The following ADGRL1 variants were observed in gnomAD, a reference collection of about 807,000 sequenced individuals.
ADGRL1 encodes adhesion G protein-coupled receptor L1, also known as CIRL-1.
ADGRL1 carries 31 observed loss-of-function variants against 148.9 expected under a neutral mutation model. The ratio of observed to expected loss-of-function variants is 0.21; its 90% confidence interval spans 0.16 to 0.28. The LOEUF (loss-of-function observed/expected upper bound fraction) is 0.28, where lower values mean the gene tolerates loss of function less well. ADGRL1 is among the 10% of genes least tolerant of loss of function. The pLI, the probability that ADGRL1 is intolerant of heterozygous loss-of-function variation, is 1.00. For synonymous variants in ADGRL1, 937 were observed against 900.3 expected (o/e 1.04, Z -0.73); for missense variants, 1,521 against 2,058.8 (o/e 0.74, Z 5.05).
At chr19:14,189,051 C>T (rs1971767381) in intron 1 of ADGRL1, among the ~76,000 whole-genome samples, 1 of 152,118 alleles carries the variant, frequency 6.6e-6, no homozygotes, top group African/African-American at 2.4e-5. Context: ...CGTGCCCAGC[C>T]TCCAAAACTT....
intron 1 of ADGRL1, among the ~76,000 whole-genome samples, chr19:14,204,999 T>TGGCCAGGGATGGGGCAGTGTGAG (rs1319134312): frequency 6.6e-6 from 1 of 151,910 alleles, no homozygotes; most frequent in African/African-American, 2.4e-5. Context: ...AGTGAGGTGT[T>TGGCCAGGGATGGGGCAGTGTGAG]GGCCAGGGAT....
rs755548697 is a variant in ADGRL1, at chr19:14,158,547, C to A, written c.2155G>T (p.Val719Phe). 1 of 1,613,668 alleles carries A rather than the reference C, an allele frequency of 6.2e-7. No homozygotes were observed. Among genetic ancestry groups the A allele is most frequent in the African/African-American group, 1.3e-5 (1 of 75,044 alleles). The change falls in exon 12 of 23, where the codon GTC becomes TTC. Residue 719 changes from valine to phenylalanine, a missense_variant. Val to Phe is a conservative substitution (Grantham distance 50). Coordinates refer to ENST00000361434, the MANE Select transcript of ADGRL1 (RefSeq NM_014921.5). ...TIKQNSRNGV[V>F]KVVFILYNNL... ...TTGTAGAGGATGAAGACAACTTTGA[C>A]CACCCCTGGTGAGAACAGGCACGTT...
chr19:14,192,231 TTTTATTTTA>T (rs200539554), intron 1 of ADGRL1, among the ~76,000 whole-genome samples: 8 of 77,720 alleles, frequency 1.0e-4, no homozygotes, highest in South Asian at 1.0e-3. Flanking sequence ...AGTTCCTTTA[TTTTATTTTA>T]TTTATTTATT....
chr19:14,164,247 C>T (rs974320165), intron 4 of ADGRL1, among the ~76,000 whole-genome samples: 5 of 152,022 alleles, frequency 3.3e-5, no homozygotes, highest in Admixed American at 6.5e-5. Flanking sequence ...GGGTCTGGCT[C>T]AGCAGCAGAC....
chr19:14,172,192 C>T (rs1473565824), intron 3 of ADGRL1, among the ~76,000 whole-genome samples: 4 of 152,012 alleles, frequency 2.6e-5, no homozygotes, highest in East Asian at 1.9e-4. Flanking sequence ...GAGGCCAAGG[C>T]GGGTGGATCA....
At chr19:14,166,800 C>G (rs1214693645) in intron 4 of ADGRL1, among the ~76,000 whole-genome samples, 6 of 152,110 alleles carry the variant, frequency 3.9e-5, no homozygotes, top group Admixed American at 6.5e-5. Flanking sequence ...TGCCCAAGCT[C>G]AGAGAGGAGC....
chr19:14,191,694 CTCTTT>C (rs1971950743), intron 1 of ADGRL1, among the ~76,000 whole-genome samples: 2 of 148,048 alleles, frequency 1.4e-5, no homozygotes, highest in South Asian at 4.6e-4. Flanking sequence ...TGCTGTCTCT[CTCTTT>C]TTTTTTTTTT....
chr19:14,205,386 C>G (rs948739835), intron 1 of ADGRL1, among the ~76,000 whole-genome samples: 7 of 152,030 alleles, frequency 4.6e-5, no homozygotes, highest in South Asian at 4.2e-4. Context: ...GCGGCGCCCC[C>G]CGGACTGCGG....
chr19:14,203,533 G>C (rs377587317), intron 1 of ADGRL1, among the ~76,000 whole-genome samples: 16 of 152,076 alleles, frequency 1.1e-4, no homozygotes, highest in African/African-American at 3.6e-4. Flanking sequence ...CAGGTGGAGA[G>C]GCCACCCGCC....
At chr19:14,168,269 C>G (rs1190193693) in intron 4 of ADGRL1, among the ~76,000 whole-genome samples, 2 of 152,212 alleles carry the variant, frequency 1.3e-5, no homozygotes, top group Non-Finnish European at 2.9e-5. Context: ...CAGGGCCTGG[C>G]ACTCAGGAGA....
At chr19:14,165,947 G>A (rs900913680) in intron 4 of ADGRL1, among the ~76,000 whole-genome samples, 1 of 152,106 alleles carries the variant, frequency 6.6e-6, no homozygotes, top group Non-Finnish European at 1.5e-5. Flanking sequence ...TTTCTGGAGA[G>A]GAAATGGTCA....
intron 4 of ADGRL1, among the ~76,000 whole-genome samples, chr19:14,166,091 T>C (rs977910413): frequency 2.6e-4 from 39 of 152,066 alleles, no homozygotes; most frequent in African/African-American, 8.9e-4. Flanking sequence ...GTCCCCAGAC[T>C]GTGCCCCCGC....
In ADGRL1 at chr19:14,152,313, G is replaced by T; in HGVS notation, c.3645C>A (p.Ser1215=). The T allele has an allele frequency of 6.3e-7, 1 of 1,599,066 alleles. No individual in the cohort carries two copies. The highest frequency in any genetic ancestry group is 8.5e-7 in the Non-Finnish European group (1 of 1,170,922). The part of the protein sequence containing the change: ...FNPSSPPVFN[S]PGSYREPKHP... ...ATGTTTCCCCCGTGCTCTCACCTGGGGAGTTGAAGACAGGGGGCGAGGAGG... is the reference window on the plus strand; with the variant it reads ...ATGTTTCCCCCGTGCTCTCACCTGGTGAGTTGAAGACAGGGGGCGAGGAGG... Residue 1215 remains serine (S), a synonymous_variant, in exon 21 of 23, where the codon TCC becomes TCA. Coordinates refer to ENST00000361434, the MANE Select transcript of ADGRL1 (RefSeq NM_014921.5). The surrounding 1 kb of genome is among the most constrained non-coding windows in gnomAD (Gnocchi z 6.1).
At chr19:14,153,017 C>T (rs1412294207) in intron 18 of ADGRL1, 105 bp from the exon 19 acceptor site, 12 of 1,378,642 alleles carry the variant, frequency 8.7e-6, no homozygotes, top group South Asian at 3.9e-5. Context: ...GGCCGGAGAC[C>T]GAGCTTCCAA....
At chr19:14,166,909 G>A (rs1970026978) in intron 4 of ADGRL1, 2 of 1,189,290 alleles carry the variant, frequency 1.7e-6, no homozygotes, top group Non-Finnish European at 1.3e-6. Context: ...CGGACCAAGT[G>A]TGGGTTGGGG....
Position 14,155,670 on chromosome 19 carries a change from G to A in ADGRL1, c.3126-143C>T. On this transcript the variant is annotated intron_variant, in intron 17 of 22. Coordinates refer to ENST00000361434, the MANE Select transcript of ADGRL1 (RefSeq NM_014921.5). The surrounding 1 kb of genome is among the most constrained non-coding windows in gnomAD (Gnocchi z 5.0). ...CCCTGAGCGGGCCGAGTGGGCCTTG[G>A]GGGCAGTGGCCTGCCCAGGACACCT... is the stretch of plus-strand genomic sequence containing the variant. 2.6e-6 allele frequency: 2 copies of A among 779,558 alleles called. No individual in the cohort carries two copies. The highest frequency in any genetic ancestry group is 4.0e-6 in the Non-Finnish European group (2 of 496,252). 48.3% of individuals were successfully genotyped at this position (779,558 alleles called of 1,614,324 possible). A position where few individuals can be genotyped will look rare whatever the true frequency, so the allele number is the denominator to read the frequency against.
At chr19:14,181,270 A>G (rs1971173152) in intron 2 of ADGRL1, among the ~76,000 whole-genome samples, 1 of 152,224 alleles carries the variant, frequency 6.6e-6, no homozygotes, top group Non-Finnish European at 1.5e-5. Flanking sequence ...AGAAGAAACC[A>G]TAGAGACTGG....
chr19:14,170,757 C>T lies in ADGRL1; in HGVS notation c.319G>A (p.Gly107Ser), dbSNP rs375084597. The change falls in exon 4 of 23, where the codon GGC becomes AGC. Residue 107 changes from glycine (G) to serine (S), a missense_variant. This residue lies in a region of ADGRL1 where 334 missense variants were observed against 512.5 expected (regional missense o/e 0.65). Transcript: ENST00000361434. ...NNRTQCVVVAGSDAFPDPCPG... is the reference protein window; with the variant it reads ...NNRTQCVVVASSDAFPDPCPG... ...CAGGGGTCAGGAAAGGCATCCGAGC[C>T]GGCGACCACCACGCACTGGGTGCGG... 7.4e-6 allele frequency: 12 copies of T among 1,611,630 alleles called. No individual in the cohort carries two copies. The highest frequency in any genetic ancestry group is 8.5e-6 in the Non-Finnish European group (10 of 1,178,638).
Position 14,155,554 on chromosome 19 carries a change from A to C in ADGRL1, c.3126-27T>G. 1 of 1,611,486 alleles carries C rather than the reference A, an allele frequency of 6.2e-7. No homozygotes were observed. Among genetic ancestry groups the C allele is most frequent in the Non-Finnish European group, 8.5e-7 (1 of 1,179,312 alleles). On this transcript the variant is annotated intron_variant, in intron 17 of 22. Coordinates refer to ENST00000361434, the MANE Select transcript of ADGRL1 (RefSeq NM_014921.5). The surrounding 1 kb of genome is among the most constrained non-coding windows in gnomAD (Gnocchi z 5.0). Reference sequence around the variant, plus strand: ...TGGGAGTGGGGCGACAGGGGAGTCAAAGTACCCGCCGGAGGGGACGGCCTC... The same window carrying C: ...TGGGAGTGGGGCGACAGGGGAGTCACAGTACCCGCCGGAGGGGACGGCCTC...
Sources: allele counts gnomAD v4.1 joint callset (sites outside exome capture counted in the v4.1 genomes callset), GRCh38; gene constraint gnomAD v4.1.1; regional missense constraint gnomAD v4.1.1; non-coding constraint Gnocchi (gnomAD v3.1); transcripts MANE v1.5; gene names NCBI Gene and HGNC (gene_info 2026-07-23, HGNC 2026-07-21).